The following RAB27B variants were observed in gnomAD, a reference collection of about 807,000 sequenced individuals.
The protein encoded by RAB27B is ras-related protein Rab-27B.
In RAB27B, 15 loss-of-function variants were observed where a neutral mutation model predicts 24.6. The ratio of observed to expected loss-of-function variants is 0.61; its 90% confidence interval spans 0.41 to 0.94. The LOEUF (loss-of-function observed/expected upper bound fraction) is 0.94, where lower values mean the gene tolerates loss of function less well. Among genes scored for constraint, RAB27B ranks in the 40% least tolerant of loss-of-function variants. RAB27B has a pLI of 0.00. For synonymous variants in RAB27B, 105 were observed against 92.5 expected (o/e 1.14, Z -0.78); for missense variants, 261 against 266.8 (o/e 0.98, Z 0.15).
At chr18:54,882,754 T>A (rs1382547302) in intron 3 of RAB27B, among the ~76,000 whole-genome samples, 1 of 152,174 alleles carries the variant, frequency 6.6e-6, no homozygotes, top group Admixed American at 6.5e-5. Flanking sequence ...GTCAAAGGGA[T>A]GAAGTTGGAT....
intron 2 of RAB27B, among the ~76,000 whole-genome samples, chr18:54,796,980 A>G (rs933760090): frequency 3.3e-5 from 5 of 152,206 alleles, no homozygotes; most frequent in Non-Finnish European, 7.3e-5. Flanking sequence ...AAGAGGAGTC[A>G]TTGCCGTCTT....
chr18:54,867,383 A>G (rs897621213), intron 1 of RAB27B, among the ~76,000 whole-genome samples: 7 of 150,954 alleles, frequency 4.6e-5, no homozygotes, highest in African/African-American at 1.7e-4. Context: ...ACCTTATGCA[A>G]TCGTAGGAGC....
chr18:54,872,686 C>T (rs955194599), intron 1 of RAB27B, among the ~76,000 whole-genome samples: 10 of 150,978 alleles, frequency 6.6e-5, no homozygotes, highest in Admixed American at 1.3e-4. Flanking sequence ...GAAAGCAATA[C>T]AGTGAGTCTT....
chr18:54,869,574 C>T (rs555636229), intron 1 of RAB27B, among the ~76,000 whole-genome samples: 1 of 152,212 alleles, frequency 6.6e-6, no homozygotes, highest in South Asian at 2.1e-4. Context: ...AACTCATGGA[C>T]AGCAGAATTG....
chr18:54,761,791 TG>T (rs1376641907), intron 2 of RAB27B, among the ~76,000 whole-genome samples: 1 of 152,226 alleles, frequency 6.6e-6, no homozygotes, highest in African/African-American at 2.4e-5. Context: ...TGTTGATATC[TG>T]AATGGCCTCT....
intron 2 of RAB27B, among the ~76,000 whole-genome samples, chr18:54,734,728 C>CT (rs762838831): frequency 1.1e-4 from 16 of 152,242 alleles, no homozygotes; most frequent in Non-Finnish European, 2.2e-4. Context: ...TTCCACAAAT[C>CT]TCTTGGAATG....
chr18:54,877,638 C>G lies in RAB27B; in HGVS notation c.53C>G (p.Ser18Ter). ...YLIKLLALGD[S>*]GVGKTTFLYR... Reference sequence around the variant, plus strand: ...ATCAAACTCCTGGCCCTCGGGGATTCAGGGGTGGGGAAGACAACATTTCTT... The same window carrying G: ...ATCAAACTCCTGGCCCTCGGGGATTGAGGGGTGGGGAAGACAACATTTCTT... The change falls in exon 2 of 6, where the codon TCA becomes TGA. Residue 18 changes from serine to a stop codon, truncating the protein, a stop_gained. Coordinates refer to ENST00000262094, the MANE Select transcript of RAB27B (RefSeq NM_004163.4). LOFTEE classifies it high-confidence loss of function. 1 of 1,595,172 alleles carries G rather than the reference C, an allele frequency of 6.3e-7. No individual in the cohort carries two copies. Among genetic ancestry groups the G allele is most frequent in the Non-Finnish European group, 8.5e-7 (1 of 1,174,422 alleles).
intron 2 of RAB27B, among the ~76,000 whole-genome samples, chr18:54,731,383 G>T (rs150616126): frequency 1.2e-3 from 188 of 152,318 alleles, no homozygotes; most frequent in East Asian, 0.01. Flanking sequence ...TAGGAAGTTT[G>T]AACAACACAA....
rs77318950 is a variant in RAB27B at position 54,885,445 on chromosome 18, G to A, written c.343+1009G>A. ...CGTAATTCCCTCTTACTTGGGCCCC[G>A]TTCACTAGCCTTCAGCCAAACTGCC... On this transcript the variant is annotated intron_variant, in intron 4 of 5. Coordinates refer to ENST00000262094, the MANE Select transcript of RAB27B (RefSeq NM_004163.4). Among the ~76,000 whole-genome samples the A allele has an allele frequency of 8.0e-3, 1,211 of 152,190 alleles. 22 individuals are homozygous for A. Among genetic ancestry groups the A allele is most frequent in the African/African-American group, 0.028 (1,143 of 41,542 alleles).
chr18:54,735,014 A>G lies in RAB27B; in HGVS notation c.-20+16873A>G, dbSNP rs77790434. ...TTGGTTTGGGAAAATGTGAGAAATT[A>G]TGTGTATCTAGACAATTTAACAAAG... On this transcript the variant is annotated intron_variant, in intron 2 of 4. Coordinates refer to the RAB27B transcript ENST00000586570. Among the ~76,000 whole-genome samples, 411 of 152,336 alleles carry G rather than the reference A, an allele frequency of 2.7e-3. 2 individuals are homozygous for G. Among genetic ancestry groups the G allele is most frequent in the Non-Finnish European group, 4.6e-3 (316 of 68,014 alleles).
chr18:54,870,615 T>C (rs990579205), intron 1 of RAB27B, among the ~76,000 whole-genome samples: 2 of 152,140 alleles, frequency 1.3e-5, no homozygotes, highest in African/African-American at 4.8e-5. Context: ...TTCAAAATAA[T>C]AAATTGAAAA....
intron 2 of RAB27B, among the ~76,000 whole-genome samples, chr18:54,747,164 A>C (rs950678363): frequency 6.6e-6 from 1 of 152,060 alleles, no homozygotes; most frequent in African/African-American, 2.4e-5. Context: ...TCCTCCCCAC[A>C]ATCTCCAATC....
chr18:54,811,475 T>C (rs1909962555), intron 2 of RAB27B, among the ~76,000 whole-genome samples: 1 of 152,208 alleles, frequency 6.6e-6, no homozygotes, highest in Non-Finnish European at 1.5e-5. Context: ...TTTGAGACTT[T>C]TGAGTCTTCG....
rs1048658383 is a variant in RAB27B, at chr18:54,891,769, T to C, written c.*2356T>C. 1 of 152,136 alleles carries C rather than the reference T, an allele frequency of 6.6e-6. No individual in the cohort carries two copies. Among genetic ancestry groups the C allele is most frequent in the African/African-American group, 2.4e-5 (1 of 41,442 alleles). The allele number at this position is 152,136 out of a possible 1,614,324, so 9.4% of individuals were successfully genotyped here. A position where few individuals can be genotyped will look rare whatever the true frequency, so the allele number is the denominator to read the frequency against. On this transcript the variant is annotated 3_prime_UTR_variant, in exon 6 of 6. Coordinates refer to ENST00000262094, the MANE Select transcript of RAB27B (RefSeq NM_004163.4). ...TCAGGGTCTGTTTTAAGATCATTAT[T>C]TGATAGCTGTAGCATGAAGCAGAGG...
chr18:54,837,706 C>T (rs1302809112), intron 1 of RAB27B, among the ~76,000 whole-genome samples: 1 of 152,026 alleles, frequency 6.6e-6, no homozygotes, highest in African/African-American at 2.4e-5. Flanking sequence ...GCAAGCACTA[C>T]TCTGCTTTGG....
intron 4 of RAB27B, among the ~76,000 whole-genome samples, chr18:54,886,053 C>A (rs1167881701): frequency 1.3e-5 from 2 of 152,088 alleles, no homozygotes. Flanking sequence ...TCCCACTAGG[C>A]CCCACCTCCC....
intron 2 of RAB27B, among the ~76,000 whole-genome samples, chr18:54,788,529 C>T (rs970064085): frequency 2.0e-5 from 3 of 152,158 alleles, no homozygotes; most frequent in African/African-American, 7.2e-5. Flanking sequence ...TCTCAAACTC[C>T]TGACCTCAAG....
At chr18:54,757,416 C>T (rs11151976) in intron 2 of RAB27B, among the ~76,000 whole-genome samples, 83,885 of 151,998 alleles carry the variant, frequency 0.55, 24,438 homozygotes, top group Middle Eastern at 0.72. Context: ...TTCTAAACTT[C>T]GCAATTATCA....
chr18:54,727,282 A>T (rs747062439), intron 2 of RAB27B, among the ~76,000 whole-genome samples: 121 of 151,662 alleles, frequency 8.0e-4, no homozygotes, highest in Admixed American at 1.6e-3. Context: ...CCCAGAATTT[A>T]TATATATATA....
Sources: gnomAD v4.1 joint callset for allele counts (sites outside exome capture counted in the v4.1 genomes callset) on GRCh38, gnomAD v4.1.1 for gene constraint, MANE v1.5 for transcripts, NCBI Gene and HGNC (gene_info 2026-07-23, HGNC 2026-07-21) for gene names.